Variants in COG6 observed in about 807,000 individuals in gnomAD.
COG6 encodes the protein component of oligomeric golgi complex 6, also known as conserved oligomeric Golgi complex subunit 6.
A neutral mutation model predicts 88.8 loss-of-function variants in COG6; 74 were observed. The ratio of observed to expected loss-of-function variants is 0.83; its 90% CI spans 0.69 to 1.01. COG6 has a LOEUF of 1.01. Among genes scored for constraint, COG6 ranks in the 50% least tolerant of loss-of-function variants. The pLI is 0.00. For synonymous variants in COG6, 286 were observed against 278.7 expected (o/e 1.03, Z -0.26); for missense variants, 800 against 797.9 (o/e 1.00, Z -0.03).
rs553372437 is a variant in COG6 at position 39,682,511 on chromosome 13, T to A, written c.788+247T>A. 29 of 397,108 alleles carry A rather than the reference T, an allele frequency of 7.3e-5. No homozygotes were observed. In the South Asian group the frequency reaches 8.2e-4, roughly 11 times the overall value. The allele number at this position is 397,108 out of a possible 1,614,324, so 24.6% of individuals were successfully genotyped here. A position where few individuals can be genotyped will look rare whatever the true frequency, so the allele number is the denominator to read the frequency against. On this transcript the variant is annotated intron_variant, in intron 8 of 18. Transcript: ENST00000455146. ...CTGTATCTAGACTACCTCTTACTTATATAGAGGTTCAGTGACTTTTCCCCT... is the reference window on the plus strand; with the variant it reads ...CTGTATCTAGACTACCTCTTACTTAAATAGAGGTTCAGTGACTTTTCCCCT...
rs1286142086 is a variant in COG6 at position 39,659,563 on chromosome 13, C to T, written c.297+56C>T. 4 of 1,454,984 alleles carry T rather than the reference C, an allele frequency of 2.7e-6. No homozygotes were observed. The South Asian group carries it at 4.6e-5, about 17-fold the overall frequency. 90.1% of individuals were successfully genotyped at this position (1,454,984 alleles called of 1,614,324 possible). ...TGAGAACTTACTATTACGCCTGGCT[C>T]TGTGCTAAGTATTTTTTTGAATTAG... On this transcript the variant is annotated intron_variant, in intron 2 of 18. Coordinates refer to ENST00000455146, the MANE Select transcript of COG6 (RefSeq NM_020751.3).
intron 4 of COG6, 97 bp downstream of exon 4, chr13:39,665,251 T>TA: frequency 2.7e-6 from 2 of 729,776 alleles, no homozygotes; most frequent in Non-Finnish European, 2.5e-6. Flanking sequence ...AGCAGAATAA[T>TA]AAAAAACATG....
At chr13:39,731,061 T>C (rs1222684782) in intron 18 of COG6, among the ~76,000 whole-genome samples, 1 of 151,832 alleles carries the variant, frequency 6.6e-6, no homozygotes, top group Non-Finnish European at 1.5e-5. Context: ...GACCTCAAAT[T>C]ATACACCTGC....
chr13:39,766,665 C>T (rs1881174602), intron 18 of COG6, among the ~76,000 whole-genome samples: 1 of 152,080 alleles, frequency 6.6e-6, no homozygotes, highest in Non-Finnish European at 1.5e-5. Context: ...GCATTTGGTC[C>T]AAGATTTTCT....
intron 13 of COG6, among the ~76,000 whole-genome samples, chr13:39,703,791 G>A (rs147080790): frequency 1.3e-5 from 2 of 151,820 alleles, no homozygotes; most frequent in South Asian, 2.1e-4. Flanking sequence ...TACTGTTGTT[G>A]CCCAGGATCG....
At chr13:39,714,414 A>G (rs1878411788) in intron 13 of COG6, among the ~76,000 whole-genome samples, 1 of 152,152 alleles carries the variant, frequency 6.6e-6, no homozygotes, top group African/African-American at 2.4e-5. Context: ...AAGGAACACA[A>G]ACAAATCAGC....
intron 18 of COG6, among the ~76,000 whole-genome samples, chr13:39,740,968 A>G (rs983006070): frequency 6.6e-6 from 1 of 152,206 alleles, no homozygotes; most frequent in African/African-American, 2.4e-5. Flanking sequence ...GAAATAGTCT[A>G]TTTCTGGAAA....
At chr13:39,763,400 G>A (rs1025851801) in intron 18 of COG6, among the ~76,000 whole-genome samples, 5 of 151,780 alleles carry the variant, frequency 3.3e-5, no homozygotes, top group East Asian at 1.9e-4. Flanking sequence ...TGGTAATTGC[G>A]GTCACCCTTG....
In COG6 at chr13:39,679,388, A is replaced by T. The variant is rs577894406; in HGVS notation, c.541-150A>T. Reference sequence around the variant, plus strand: ...TGAATAAATACCAGTTACACCGTCTATGAAAACTTAGAGAAAGTTGAGATC... The same window carrying T: ...TGAATAAATACCAGTTACACCGTCTTTGAAAACTTAGAGAAAGTTGAGATC... On this transcript the variant is annotated intron_variant, in intron 5 of 18. Coordinates refer to ENST00000455146, the MANE Select transcript of COG6 (RefSeq NM_020751.3). 6.1e-6 allele frequency: 4 copies of T among 657,138 alleles called. No individual in the cohort carries two copies. The East Asian group carries it at 1.1e-4, about 18-fold the overall frequency. 40.7% of individuals were successfully genotyped at this position (657,138 alleles called of 1,614,324 possible).
chr13:39,677,664 C>T, intron 5 of COG6, 85 bp downstream of exon 5: 5 of 694,750 alleles, frequency 7.2e-6, no homozygotes, highest in East Asian at 2.8e-5. Context: ...CTTTATTTTC[C>T]CATTAAAAAA....
intron 18 of COG6, among the ~76,000 whole-genome samples, chr13:39,781,284 A>G (rs1261831692): frequency 6.6e-6 from 1 of 152,170 alleles, no homozygotes; most frequent in Non-Finnish European, 1.5e-5. Flanking sequence ...TTTGGCAAAC[A>G]TCAAATTAGG....
At chr13:39,741,395 G>T (rs1392571712) in intron 18 of COG6, among the ~76,000 whole-genome samples, 3 of 152,132 alleles carry the variant, frequency 2.0e-5, no homozygotes, top group Non-Finnish European at 4.4e-5. Flanking sequence ...AGAATTAACA[G>T]TGTAGAGAAG....
chr13:39,767,198 A>T (rs1345475364), intron 18 of COG6, among the ~76,000 whole-genome samples: 3 of 152,198 alleles, frequency 2.0e-5, no homozygotes, highest in Non-Finnish European at 4.4e-5. Context: ...GTTAACGTTT[A>T]TCTGCTTTCT....
At chr13:39,768,456 G>A (rs912847516) in intron 18 of COG6, among the ~76,000 whole-genome samples, 4 of 152,226 alleles carry the variant, frequency 2.6e-5, no homozygotes, top group Non-Finnish European at 5.9e-5. Context: ...CATCTGCTTT[G>A]CTGTACCAGC....
chr13:39,694,591 T>A (rs750368334), intron 11 of COG6, 43 bp from the exon 12 acceptor site: 65 of 1,221,016 alleles, frequency 5.3e-5, no homozygotes, highest in Non-Finnish European at 7.4e-5. Context: ...AAAAAAGTTA[T>A]ACTTTTAAGA....
intron 18 of COG6, among the ~76,000 whole-genome samples, chr13:39,733,703 G>A (rs1879584888): frequency 6.6e-6 from 1 of 151,902 alleles, no homozygotes; most frequent in Admixed American, 6.6e-5. Flanking sequence ...GGAATAGTTT[G>A]AGTAGAATTA....
intron 13 of COG6, among the ~76,000 whole-genome samples, chr13:39,706,311 AG>A (rs1163869906): frequency 6.9e-6 from 1 of 145,860 alleles, no homozygotes; most frequent in African/African-American, 2.5e-5. Flanking sequence ...TGAGGAAATT[AG>A]TTTAAAAATA....
At chr13:39,745,019 G>T in intron 18 of COG6, among the ~76,000 whole-genome samples, 1 of 152,146 alleles carries the variant, frequency 6.6e-6, no homozygotes, top group Admixed American at 6.5e-5. Context: ...AAATGGTACT[G>T]GGAAAACTGG....
At chr13:39,791,434 A>T (rs1881934379) in exon 19 of COG6, 1 of 151,988 alleles carries the variant, frequency 6.6e-6, no homozygotes, top group African/African-American at 2.4e-5. Context: ...TGGGTATTTT[A>T]TTTAAGATTT....
Sources: allele counts gnomAD v4.1 joint callset (sites outside exome capture counted in the v4.1 genomes callset), GRCh38; gene constraint gnomAD v4.1.1; transcripts MANE v1.5; gene names NCBI Gene and HGNC (gene_info 2026-07-23, HGNC 2026-07-21).